KNOP1: variants seen among roughly 807,000 people sequenced by gnomAD.
The protein encoded by KNOP1 is lysine-rich nucleolar protein 1.
Under a neutral mutation model 30.6 loss-of-function variants are expected in KNOP1, and 20 were observed. The observed-to-expected ratio is 0.65, with a 90% CI of 0.46 to 0.95. The LOEUF (loss-of-function observed/expected upper bound fraction) is 0.95. Among genes scored for constraint, KNOP1 ranks in the 40% least tolerant of loss-of-function variants. The probability of loss-of-function intolerance (pLI) is 0.00; values close to 1 mark genes in which losing one functional copy is unlikely to be tolerated. For synonymous variants in KNOP1, 204 were observed against 210.0 expected, an observed-to-expected ratio of 0.97 and a Z score of 0.25; for missense variants, 540 against 562.0, an observed-to-expected ratio of 0.96 and a Z score of 0.40.
At chr16:19,707,247 A>G (rs1297617211) in intron 4 of KNOP1, 26 bp from the exon 5 acceptor site, 5 of 1,595,616 alleles carry the variant, frequency 3.1e-6, no homozygotes, top group East Asian at 2.2e-5. Context: ...AAAGGTGGCT[A>G]TTTTCCTTGA....
At chr16:19,717,538 T>C (rs1977226728) in intron 1 of KNOP1, 1 of 985,410 alleles carries the variant, frequency 1.0e-6, no homozygotes, top group Non-Finnish European at 1.2e-6. Context: ...CTTAATCCCC[T>C]TCTCTCCCCA....
intron 1 of KNOP1, among the ~76,000 whole-genome samples, chr16:19,717,172 T>C (rs890371849): frequency 6.6e-6 from 1 of 152,188 alleles, no homozygotes; most frequent in Admixed American, 6.5e-5. Context: ...AACTTTCTCA[T>C]AGATAGTATA....
At position 19,703,395 on chromosome 16, in the gene KNOP1, G is replaced by A. The variant is rs560266390; in HGVS notation, c.*3515C>T. 2 of 151,628 alleles carry A rather than the reference G, an allele frequency of 1.3e-5. No individual in the cohort carries two copies. Among genetic ancestry groups the A allele is most frequent in the Admixed American group, 1.3e-4 (2 of 15,236 alleles). 9.4% of individuals were successfully genotyped at this position (151,628 alleles called of 1,614,324 possible). On this transcript the variant is annotated 3_prime_UTR_variant, in exon 5 of 5. Transcript: ENST00000219837. ...ATTTAGGGATCTTTGTGATTCCTCCGGCCCACCCAGAAACACGGGATCCTC... is the reference window on the plus strand; with the variant it reads ...ATTTAGGGATCTTTGTGATTCCTCCAGCCCACCCAGAAACACGGGATCCTC...
chr16:19,705,224 G>A lies in KNOP1; in HGVS notation c.*1686C>T, dbSNP rs1051945379. The A allele has an allele frequency of 2.4e-5, 11 of 455,972 alleles. No homozygotes were observed. Among genetic ancestry groups the A allele is most frequent in the Admixed American group, 4.7e-5 (2 of 42,554 alleles). The allele number at this position is 455,972 out of a possible 1,614,324, so 28.2% of individuals were successfully genotyped here. A position where few individuals can be genotyped will look rare whatever the true frequency, so the allele number is the denominator to read the frequency against. ...GCTTCCTTGGCGAGCTGTTGAACCA[G>A]GCCCTAATCAGGCCTTCCTGCCACG... On this transcript the variant is annotated 3_prime_UTR_variant, in exon 5 of 5. Transcript: ENST00000219837.
intron 1 of KNOP1, 59 bp from the exon 2 acceptor site, chr16:19,715,096 T>A: frequency 7.9e-7 from 1 of 1,259,666 alleles, no homozygotes; most frequent in Non-Finnish European, 1.1e-6. Flanking sequence ...TCAATTCTAC[T>A]AAGCATTGCC....
At chr16:19,714,004 G>T in intron 2 of KNOP1, 114 bp downstream of exon 2, 4 of 918,144 alleles carry the variant, frequency 4.4e-6, no homozygotes, top group Non-Finnish European at 6.7e-6. Flanking sequence ...CAGGGTTTTA[G>T]CTAAAAGCAT....
At chr16:19,710,627 ATCT>A in intron 3 of KNOP1, 41 bp from the exon 4 acceptor site, 2 of 1,545,514 alleles carry the variant, frequency 1.3e-6, no homozygotes, top group Non-Finnish European at 1.8e-6. Flanking sequence ...TCAGACAGAG[ATCT>A]TCTTTCAAGC....
intron 2 of KNOP1, among the ~76,000 whole-genome samples, chr16:19,713,218 G>A (rs775264723): frequency 1.8e-4 from 28 of 152,022 alleles, no homozygotes; most frequent in African/African-American, 6.3e-4. Flanking sequence ...TCAGCCTCAC[G>A]AGTAGCTGGG....
At chr16:19,717,911 C>A (rs1474772345) in intron 1 of KNOP1, 46 of 1,099,096 alleles carry the variant, frequency 4.2e-5, no homozygotes, top group Non-Finnish European at 4.7e-5. Flanking sequence ...ACCTCCAAGG[C>A]TCCCATGGGC....
chr16:19,718,046 G>A, intron 1 of KNOP1, 112 bp downstream of exon 1: 1 of 1,398,120 alleles, frequency 7.2e-7, no homozygotes, highest in South Asian at 1.5e-5. Context: ...TGGAGGGGTC[G>A]GATTCAGGGA....
intron 4 of KNOP1, 41 bp downstream of exon 4, chr16:19,710,468 G>A (rs776623380): frequency 2.8e-5 from 45 of 1,601,270 alleles, no homozygotes; most frequent in South Asian, 1.7e-4. Context: ...TCGGGAGGCC[G>A]AGCGTGCCAC....
rs761392487 is a variant in KNOP1 at position 19,707,100 on chromosome 16, G to A, written c.1187C>T (p.Thr396Met). 15 of 1,614,034 alleles carry A rather than the reference G, an allele frequency of 9.3e-6. No homozygotes were observed. Among genetic ancestry groups the A allele is most frequent in the East Asian group, 2.2e-5 (1 of 44,890 alleles). Reference protein sequence around the residue: ...LSPSFSRPASTIARPNMALGK... With the variant: ...LSPSFSRPASMIARPNMALGK... ...GAGGGCCATGTTGGGCCTTGCAATC[G>A]TGCTGGCGGGGCGGCTGAACGAAGG... Residue 396 changes from threonine (T) to methionine (M), a missense_variant, in exon 5 of 5, where the codon ACG becomes ATG. Physicochemically the swap from Thr to Met is moderately conservative, Grantham distance 81. Transcript: ENST00000219837.
intron 4 of KNOP1, chr16:19,710,205 T>C (rs932324921): frequency 6.7e-6 from 3 of 445,576 alleles, no homozygotes; most frequent in Non-Finnish European, 1.2e-5. Context: ...TGGCAAGAGC[T>C]CGCTGGAATG....
At chr16:19,717,308 A>T (rs917286596) in intron 1 of KNOP1, 1 of 985,332 alleles carries the variant, frequency 1.0e-6, no homozygotes, top group Non-Finnish European at 1.2e-6. Flanking sequence ...CATTTAAATA[A>T]GTGGGCAGAG....
intron 4 of KNOP1, among the ~76,000 whole-genome samples, chr16:19,708,105 T>C (rs575811510): frequency 6.6e-6 from 1 of 150,796 alleles, no homozygotes; most frequent in Non-Finnish European, 1.5e-5. Flanking sequence ...CCCAGCAGCC[T>C]AACGTTTGGG....
At chr16:19,718,120 C>A (rs1977296342) in intron 1 of KNOP1, 38 bp downstream of exon 1, 1 of 1,445,810 alleles carries the variant, frequency 6.9e-7, no homozygotes, top group Non-Finnish European at 9.0e-7. Context: ...ATCTCCACAC[C>A]CCGCGCCGGC....
At position 19,718,193 on chromosome 16, in the gene KNOP1, C is replaced by T. The variant is rs1293086708; in HGVS notation, c.-38G>A. 6.6e-7 allele frequency: 1 copy of T among 1,503,976 alleles called. No individual in the cohort carries two copies. Among genetic ancestry groups the T allele is most frequent in the Admixed American group, 2.1e-5 (1 of 47,718 alleles). The allele number at this position is 1,503,976 out of a possible 1,614,324, so 93.2% of individuals were successfully genotyped here. ...AATTTCCCCGCCTCCACGTGAGAGC[C>T]AGCTCCGCCGTGACCCGGAAGTCCA... On this transcript the variant is annotated 5_prime_UTR_variant, in exon 1 of 5. Transcript: ENST00000219837.
chr16:19,717,783 C>CA, intron 1 of KNOP1: 6 of 993,810 alleles, frequency 6.0e-6, no homozygotes, highest in Non-Finnish European at 7.2e-6. Flanking sequence ...CCAAAGCCAG[C>CA]AAGTGGAAAA....
Position 19,714,532 on chromosome 16 carries a change from G to T in KNOP1, c.504C>A (p.Asp168Glu). Residue 168 changes from aspartate to glutamate, a missense_variant, in exon 2 of 5, where the codon GAC becomes GAA. Physicochemically the swap from Asp to Glu is conservative, Grantham distance 45 (BLOSUM62 2). Coordinates refer to ENST00000219837, the MANE Select transcript of KNOP1 (RefSeq NM_001012991.3). ...AQDPTAFSVQDPWFCEAREAR... is the reference protein window; with the variant it reads ...AQDPTAFSVQEPWFCEAREAR... ...CCTCCCTGGCCTCACAGAACCAAGGGTCCTGGACCGAGAAGGCTGTGGGGT... is the reference window on the plus strand; with the variant it reads ...CCTCCCTGGCCTCACAGAACCAAGGTTCCTGGACCGAGAAGGCTGTGGGGT... 1 of 1,614,144 alleles carries T rather than the reference G, an allele frequency of 6.2e-7. No individual in the cohort carries two copies.
Sources: allele counts gnomAD v4.1 joint callset (sites outside exome capture counted in the v4.1 genomes callset), GRCh38; gene constraint gnomAD v4.1.1; transcripts MANE v1.5; gene names NCBI Gene and HGNC (gene_info 2026-07-23, HGNC 2026-07-21).